The following CDH18 variants were observed in gnomAD, a reference collection of about 807,000 sequenced individuals.
The protein encoded by CDH18 is cadherin 18, also known as cadherin-18.
In CDH18, 31 loss-of-function variants were observed where a neutral mutation model predicts 67.9. That is an observed-to-expected ratio of 0.46 (90% CI 0.34 to 0.62). CDH18 has a LOEUF of 0.62. Ranked by LOEUF, CDH18 falls within the 20% of genes least tolerant of loss-of-function variation. CDH18 has a pLI of 0.01. For missense variants in CDH18, 890 were observed against 975.5 expected (o/e 0.91, Z 1.17); for synonymous variants, 362 against 347.2 (o/e 1.04, Z -0.48).
At chr5:20,053,955 G>A (rs979717588) in intron 2 of CDH18, among the ~76,000 whole-genome samples, 2 of 152,024 alleles carry the variant, frequency 1.3e-5, no homozygotes, top group African/African-American at 2.4e-5. Flanking sequence ...TAAGACTATG[G>A]TGCAATTCAA....
chr5:20,474,590 C>T (rs1045844119), intron 1 of CDH18, among the ~76,000 whole-genome samples: 47 of 76,282 alleles, frequency 6.2e-4, no homozygotes, highest in Middle Eastern at 6.5e-3. Flanking sequence ...CCATTCTACA[C>T]ATGAAAAGTT....
At chr5:20,139,125 C>T (rs1306953058) in intron 2 of CDH18, among the ~76,000 whole-genome samples, 1 of 152,030 alleles carries the variant, frequency 6.6e-6, no homozygotes, top group East Asian at 1.9e-4. Flanking sequence ...GAGATATAGA[C>T]CAATGGAACA....
intron 2 of CDH18, among the ~76,000 whole-genome samples, chr5:19,940,689 C>A (rs555848765): frequency 1.3e-5 from 2 of 151,962 alleles, no homozygotes; most frequent in Non-Finnish European, 2.9e-5. Context: ...TTTCATGGTT[C>A]CTGTCAATGT....
intron 11 of CDH18, among the ~76,000 whole-genome samples, chr5:19,485,210 C>T (rs968159739): frequency 2.0e-4 from 30 of 150,746 alleles, no homozygotes; most frequent in African/African-American, 7.3e-4. Context: ...AGAAAATTTT[C>T]TTACCTAGTG....
At chr5:20,135,495 G>A (rs1018001478) in intron 2 of CDH18, among the ~76,000 whole-genome samples, 2 of 151,780 alleles carry the variant, frequency 1.3e-5, no homozygotes, top group Admixed American at 6.6e-5. Flanking sequence ...TTCTTTATTA[G>A]TCTTACTAGT....
chr5:20,373,770 T>C (rs967557680), intron 1 of CDH18, among the ~76,000 whole-genome samples: 2 of 152,072 alleles, frequency 1.3e-5, no homozygotes. Context: ...AATATAGACA[T>C]TTAAGGCTAA....
At chr5:19,842,861 A>C (rs1782497506) in intron 2 of CDH18, among the ~76,000 whole-genome samples, 1 of 152,136 alleles carries the variant, frequency 6.6e-6, no homozygotes, top group Non-Finnish European at 1.5e-5. Flanking sequence ...AGACATGAGG[A>C]ATTTTTTAGG....
chr5:20,521,739 G>A (rs1401776820), intron 1 of CDH18, among the ~76,000 whole-genome samples: 2 of 151,964 alleles, frequency 1.3e-5, no homozygotes, highest in Admixed American at 6.6e-5. Context: ...GAAAGAGGAT[G>A]ATTTCTGGAG....
At chr5:20,291,161 T>C (rs1270346157) in intron 1 of CDH18, among the ~76,000 whole-genome samples, 2 of 152,146 alleles carry the variant, frequency 1.3e-5, no homozygotes, top group East Asian at 1.9e-4. Flanking sequence ...GGTTGGAGCA[T>C]GCCAAGTTTG....
intron 1 of CDH18, among the ~76,000 whole-genome samples, chr5:20,390,926 T>C (rs1744794310): frequency 6.6e-6 from 1 of 151,820 alleles, no homozygotes; most frequent in South Asian, 2.1e-4. Context: ...TAGGTGGGAA[T>C]TGAACAATGA....
chr5:19,656,296 T>G (rs898587196), intron 5 of CDH18, among the ~76,000 whole-genome samples: 1 of 152,230 alleles, frequency 6.6e-6, no homozygotes, highest in South Asian at 2.1e-4. Context: ...TTCGTGTTTT[T>G]TCTTTAATCA....
chr5:20,276,689 G>T (rs1302244937), intron 1 of CDH18, among the ~76,000 whole-genome samples: 1 of 152,166 alleles, frequency 6.6e-6, no homozygotes, highest in Non-Finnish European at 1.5e-5. Context: ...TTGACCACAA[G>T]GTATAGAGCA....
At chr5:20,181,782 A>C (rs1356922793) in intron 2 of CDH18, among the ~76,000 whole-genome samples, 1 of 152,110 alleles carries the variant, frequency 6.6e-6, no homozygotes, top group Non-Finnish European at 1.5e-5. Flanking sequence ...AAATTTTCAA[A>C]TAAGCATGCT....
intron 2 of CDH18, among the ~76,000 whole-genome samples, chr5:19,909,494 T>TCA (rs1243307795): frequency 2.0e-5 from 3 of 152,000 alleles, no homozygotes. Context: ...AGATGGGGTT[T>TCA]CACCATGTTA....
At chr5:20,231,860 T>C (rs1042572747) in intron 2 of CDH18, among the ~76,000 whole-genome samples, 3 of 152,074 alleles carry the variant, frequency 2.0e-5, no homozygotes, top group African/African-American at 7.2e-5. Flanking sequence ...GTAATTTTAA[T>C]ACATGAATGT....
chr5:20,293,385 A>C (rs1390964038), intron 1 of CDH18, among the ~76,000 whole-genome samples: 1 of 152,150 alleles, frequency 6.6e-6, no homozygotes, highest in African/African-American at 2.4e-5. Context: ...AAGAGACAAT[A>C]GTACAGGAAA....
intron 2 of CDH18, among the ~76,000 whole-genome samples, chr5:19,876,197 T>C (rs1786982623): frequency 2.0e-5 from 3 of 152,028 alleles, no homozygotes; most frequent in African/African-American, 4.8e-5. Context: ...TCCTACCCAT[T>C]TGTGAAGAAA....
At chr5:20,174,727 G>A (rs9292895) in intron 2 of CDH18, among the ~76,000 whole-genome samples, 11 of 151,942 alleles carry the variant, frequency 7.2e-5, no homozygotes, top group South Asian at 2.1e-4. Flanking sequence ...TAAAATGATC[G>A]GTAAATATGA....
intron 5 of CDH18, among the ~76,000 whole-genome samples, chr5:19,690,035 G>C (rs1761643816): frequency 6.6e-6 from 1 of 150,972 alleles, no homozygotes; most frequent in Non-Finnish European, 1.5e-5. Context: ...ATAAAATTAT[G>C]AAGGGATCAA....
Sources: gnomAD v4.1 joint callset for allele counts (sites outside exome capture counted in the v4.1 genomes callset) on GRCh38, gnomAD v4.1.1 for gene constraint, MANE v1.5 for transcripts, NCBI Gene and HGNC (gene_info 2026-07-23, HGNC 2026-07-21) for gene names.